The following BTRC variants were observed in gnomAD, a reference collection of about 807,000 sequenced individuals.
BTRC encodes F-box/WD repeat-containing protein 1A.
BTRC carries 42 observed loss-of-function variants against 85.5 expected under a neutral mutation model. The ratio of observed to expected loss-of-function variants is 0.49; its 90% CI spans 0.38 to 0.64. BTRC has a LOEUF of 0.64. Ranked by LOEUF, BTRC falls within the 30% of genes least tolerant of loss-of-function variation. The pLI, the probability that BTRC is intolerant of heterozygous loss-of-function variation, is 0.00. For synonymous variants in BTRC, 255 were observed against 263.3 expected (o/e 0.97, Z 0.30); for missense variants, 594 against 743.5 (o/e 0.80, Z 2.34).
At chr10:101,483,087 A>C (rs1945883715) in intron 4 of BTRC, among the ~76,000 whole-genome samples, 1 of 152,188 alleles carries the variant, frequency 6.6e-6, no homozygotes. Context: ...ATTTCCCTAA[A>C]AGCAGCAATG....
intron 1 of BTRC, among the ~76,000 whole-genome samples, chr10:101,424,923 C>T (rs1262689283): frequency 1.3e-5 from 2 of 152,130 alleles, no homozygotes; most frequent in Non-Finnish European, 2.9e-5. Flanking sequence ...GCAAAGTACC[C>T]ATAGGTAGTT....
intron 2 of BTRC, among the ~76,000 whole-genome samples, chr10:101,456,272 A>G (rs1034329732): frequency 6.6e-6 from 1 of 152,200 alleles, no homozygotes; most frequent in African/African-American, 2.4e-5. Flanking sequence ...TAGTAATAGC[A>G]CTGGTAAGAG....
intron 13 of BTRC, among the ~76,000 whole-genome samples, chr10:101,543,396 A>G (rs1044480054): frequency 4.7e-5 from 7 of 149,598 alleles, no homozygotes; most frequent in Admixed American, 4.0e-4. Context: ...TACTTTTAAT[A>G]TGCCTGTGTC....
intron 14 of BTRC, among the ~76,000 whole-genome samples, chr10:101,552,380 A>T (rs1342441387): frequency 1.4e-5 from 2 of 143,022 alleles, no homozygotes; most frequent in African/African-American, 5.2e-5. Flanking sequence ...TTTTGGAGAG[A>T]TGGAGTTTCA....
At chr10:101,410,904 C>T (rs1187913283) in intron 1 of BTRC, among the ~76,000 whole-genome samples, 2 of 151,114 alleles carry the variant, frequency 1.3e-5, no homozygotes, top group South Asian at 4.2e-4. Flanking sequence ...ATTATGAACA[C>T]TGTAACTTAT....
chr10:101,433,505 G>A (rs1944452451), intron 2 of BTRC, among the ~76,000 whole-genome samples: 1 of 152,134 alleles, frequency 6.6e-6, no homozygotes, highest in South Asian at 2.1e-4. Flanking sequence ...GGACATTTCA[G>A]GCCTAAGGAA....
intron 1 of BTRC, among the ~76,000 whole-genome samples, chr10:101,407,997 C>CA (rs1157372406): frequency 2.0e-5 from 3 of 152,146 alleles, no homozygotes; most frequent in Admixed American, 6.5e-5. Flanking sequence ...GCTGGGATTA[C>CA]AGGCGTGAGC....
At chr10:101,548,308 A>G (rs570746492) in intron 13 of BTRC, among the ~76,000 whole-genome samples, 1 of 152,380 alleles carries the variant, frequency 6.6e-6, no homozygotes, top group East Asian at 1.9e-4. Flanking sequence ...TATAATAGCC[A>G]TAAACTATAA....
At chr10:101,522,867 A>T (rs2062138270) in intron 5 of BTRC, among the ~76,000 whole-genome samples, 1 of 152,074 alleles carries the variant, frequency 6.6e-6, no homozygotes, top group African/African-American at 2.4e-5. Context: ...ATGTTTATGT[A>T]CTTGGATTTG....
intron 1 of BTRC, among the ~76,000 whole-genome samples, chr10:101,395,155 A>G (rs1943332859): frequency 6.6e-6 from 1 of 152,170 alleles, no homozygotes; most frequent in African/African-American, 2.4e-5. Context: ...GAGGCCTCAC[A>G]CAGAGGGATT....
At chr10:101,505,391 G>T (rs1370389242) in intron 4 of BTRC, among the ~76,000 whole-genome samples, 1 of 150,154 alleles carries the variant, frequency 6.7e-6, no homozygotes, top group Non-Finnish European at 1.5e-5. Flanking sequence ...AGGCCGAGGC[G>T]GGCGGATCAT....
intron 1 of BTRC, among the ~76,000 whole-genome samples, chr10:101,381,279 G>A (rs966137933): frequency 2.0e-5 from 3 of 152,096 alleles, no homozygotes; most frequent in Non-Finnish European, 4.4e-5. Flanking sequence ...GGAAACTGAG[G>A]CACAGACAGG....
rs2062726629 is a variant in BTRC, at chr10:101,556,583, C to G, written c.*3460C>G. 6.6e-6 allele frequency: 1 copy of G among 152,248 alleles called. No homozygotes were observed. The highest frequency in any genetic ancestry group is 2.4e-5 in the African/African-American group (1 of 41,462). The allele number at this position is 152,248 out of a possible 1,614,324, so 9.4% of individuals were successfully genotyped here. On this transcript the variant is annotated 3_prime_UTR_variant, in exon 15 of 15. Coordinates refer to ENST00000370187, the MANE Select transcript of BTRC (RefSeq NM_033637.4). Reference sequence around the variant, plus strand: ...GTTGTTCACCAACAGACCAGACCTCCTTTAACCACAGTGTCAACATAGTAT... The same window carrying G: ...GTTGTTCACCAACAGACCAGACCTCGTTTAACCACAGTGTCAACATAGTAT...
rs1190603456 is a variant in BTRC at position 101,553,961 on chromosome 10, GCAACAGTGGATTCTCAGA to G, written c.*841_*858del. 7.6e-6 allele frequency: 1 copy of G among 131,246 alleles called. No individual in the cohort carries two copies. The highest frequency in any genetic ancestry group is 3.5e-4 in the East Asian group (1 of 2,824). The allele number at this position is 131,246 out of a possible 1,614,324, so 8.1% of individuals were successfully genotyped here. A position where few individuals can be genotyped will look rare whatever the true frequency, so the allele number is the denominator to read the frequency against. ...GGCCTTTGCTGCAAGTGACCCTGTG[GCAACAGTGGATTCTCAGA>G]CATGATACTCTCATCATATTTGCAA... On this transcript the variant is annotated 3_prime_UTR_variant, in exon 15 of 15. Coordinates refer to ENST00000370187, the MANE Select transcript of BTRC (RefSeq NM_033637.4).
At chr10:101,534,319 C>G (rs1452822646) in intron 9 of BTRC, among the ~76,000 whole-genome samples, 1 of 152,162 alleles carries the variant, frequency 6.6e-6, no homozygotes, top group African/African-American at 2.4e-5. Flanking sequence ...TGAGGGCTAT[C>G]ATTGGAATGG....
intron 1 of BTRC, among the ~76,000 whole-genome samples, chr10:101,389,115 GT>G (rs1943162049): frequency 8.5e-5 from 3 of 35,460 alleles, no homozygotes; most frequent in Non-Finnish European, 1.5e-4. Context: ...GATTTTTTGT[GT>G]GTGTTTTTTT....
At chr10:101,357,549 A>T (rs1307275316) in intron 1 of BTRC, among the ~76,000 whole-genome samples, 1 of 151,790 alleles carries the variant, frequency 6.6e-6, no homozygotes, top group Non-Finnish European at 1.5e-5. Context: ...TTTTATTACT[A>T]TTTGGCTTTG....
At chr10:101,518,918 C>T (rs932093972) in intron 4 of BTRC, among the ~76,000 whole-genome samples, 5 of 152,090 alleles carry the variant, frequency 3.3e-5, no homozygotes, top group East Asian at 1.9e-4. Flanking sequence ...TAAAACAATA[C>T]GTATTTATTA....
chr10:101,496,312 C>T (rs2134275763), intron 4 of BTRC, among the ~76,000 whole-genome samples: 1 of 152,216 alleles, frequency 6.6e-6, no homozygotes, highest in East Asian at 1.9e-4. Context: ...ATAAAAGTTC[C>T]ATCATTCCTT....
Sources: gnomAD v4.1 joint callset for allele counts (sites outside exome capture counted in the v4.1 genomes callset) on GRCh38, gnomAD v4.1.1 for gene constraint, MANE v1.5 for transcripts, NCBI Gene and HGNC (gene_info 2026-07-23, HGNC 2026-07-21) for gene names.